Variants in MUC5B observed in about 807,000 individuals in gnomAD.
The protein encoded by MUC5B is mucin 5B, oligomeric mucus/gel-forming, also known as mucin-5B.
In MUC5B, 116 loss-of-function variants were observed where a neutral mutation model predicts 376.9. That is an observed-to-expected ratio of 0.31 (90% CI 0.26 to 0.36). MUC5B has a LOEUF of 0.36. Ranked by LOEUF, MUC5B falls within the 10% of genes least tolerant of loss-of-function variation. The pLI is 1.00. For missense variants in MUC5B, 7,165 were observed against 7,769.9 expected, an observed-to-expected ratio of 0.92 and a Z score of 2.93; for synonymous variants, 3,517 against 3,390.9, an observed-to-expected ratio of 1.04 and a Z score of -1.29.
Position 1,234,120 on chromosome 11 carries a change from C to G in MUC5B, c.2378-85C>G. On this transcript the variant is annotated intron_variant, in intron 19 of 48. Coordinates refer to ENST00000529681, the MANE Select transcript of MUC5B (RefSeq NM_002458.3). The surrounding 1 kb of genome is among the most constrained non-coding windows in gnomAD (Gnocchi z 6.3). ...GCTCGGGGGCTGTTAACTTGATCAG[C>G]AGGACAGGCTCAGGGCTGCCTGGGG... is the stretch of plus-strand genomic sequence containing the variant. 2.6e-6 allele frequency: 3 copies of G among 1,148,418 alleles called. No individual in the cohort carries two copies. The highest frequency in any genetic ancestry group is 3.8e-6 in the Non-Finnish European group (3 of 788,512). 71.1% of individuals were successfully genotyped at this position (1,148,418 alleles called of 1,614,324 possible). A position where few individuals can be genotyped will look rare whatever the true frequency, so the allele number is the denominator to read the frequency against.
chr11:1,251,321 G>A lies in MUC5B; in HGVS notation c.14441G>A (p.Gly4814Glu). 1.2e-6 allele frequency: 2 copies of A among 1,610,752 alleles called. No homozygotes were observed. Among genetic ancestry groups the A allele is most frequent in the Non-Finnish European group, 1.7e-6 (2 of 1,177,856 alleles). The change falls in exon 31 of 49, where the codon GGG (glycine) becomes GAG (glutamate). Residue 4814 changes from glycine to glutamate, a missense_variant. Transcript: ENST00000529681. Reference protein sequence around the residue: ...NSTATPSSTLGTTRILTELTT... With the variant: ...NSTATPSSTLETTRILTELTT... ...ACGGCCACACCCTCCTCCACTCTGG[G>A]GACGACCCGGATCCTCACTGAGCTG...
In MUC5B at chr11:1,242,581, C is replaced by G. The variant is rs1328302753; in HGVS notation, c.5701C>G (p.Pro1901Ala). Residue 1901 changes from proline (P) to alanine (A), a missense_variant, in exon 31 of 49, where the codon CCG (proline) becomes GCG (alanine). Physicochemically the swap from Pro to Ala is conservative, Grantham distance 27 (BLOSUM62 -1). This residue lies in a region of MUC5B where 897 missense variants were observed against 779.6 expected (regional missense o/e 1.15). Transcript: ENST00000529681. ...TSSTATPSST[P>A]GTTWILTKPT... ...CTCCACGGCCACGCCCTCCTCAACT[C>G]CGGGGACGACCTGGATCCTCACAAA... 2 of 1,613,742 alleles carry G rather than the reference C, an allele frequency of 1.2e-6. No individual in the cohort carries two copies. Among genetic ancestry groups the G allele is most frequent in the Admixed American group, 3.3e-5 (2 of 60,006 alleles).
chr11:1,240,541 G>A (rs1862257526), intron 30 of MUC5B, among the ~76,000 whole-genome samples, 166 bp downstream of exon 30: 1 of 152,162 alleles, frequency 6.6e-6, no homozygotes. Context: ...CGTGTCTCCA[G>A]GGGCTCCCCA....
Position 1,259,127 on chromosome 11 carries a change from G to T in MUC5B, c.16713+66G>T, listed in dbSNP as rs556230770. Reference sequence around the variant, plus strand: ...CACCTGCCCCCAAGTGAGACCCGAGGCACCTGCCCCCAGGTGAGACCTGAG... The same window carrying T: ...CACCTGCCCCCAAGTGAGACCCGAGTCACCTGCCCCCAGGTGAGACCTGAG... On this transcript the variant is annotated intron_variant, in intron 44 of 48. Coordinates refer to ENST00000529681, the MANE Select transcript of MUC5B (RefSeq NM_002458.3). 4.5e-3 allele frequency: 6,357 copies of T among 1,401,532 alleles called. 26 individuals carry two copies. Among genetic ancestry groups the T allele is most frequent in the Non-Finnish European group, 5.6e-3 (5,907 of 1,045,728 alleles). 86.8% of individuals were successfully genotyped at this position (1,401,532 alleles called of 1,614,324 possible).
intron 30 of MUC5B, 133 bp downstream of exon 30, chr11:1,240,508 G>A: frequency 3.5e-6 from 3 of 853,684 alleles, no homozygotes; most frequent in South Asian, 3.5e-5. Flanking sequence ...CTGTCTAGGG[G>A]TGCACGGCCC....
chr11:1,234,222 G>C lies in MUC5B; in HGVS notation c.2395G>C (p.Val799Leu). 6.2e-7 allele frequency: 1 copy of C among 1,605,220 alleles called. No homozygotes were observed. The highest frequency in any genetic ancestry group is 2.2e-4 in the Middle Eastern group (1 of 4,606). Residue 799 changes from valine (V) to leucine (L), a missense_variant, in exon 20 of 49, where the codon GTG becomes CTG. Val to Leu is a conservative substitution (Grantham distance 32). This residue lies in a region of MUC5B where 530 missense variants were observed against 604.0 expected (regional missense o/e 0.88). Coordinates refer to ENST00000529681, the MANE Select transcript of MUC5B (RefSeq NM_002458.3). The surrounding 1 kb of genome is among the most constrained non-coding windows in gnomAD (Gnocchi z 6.3). Reference sequence around the variant, plus strand: ...GTCCCCAGGGTGTGCAGCCCCCATGGTGTACCTGGACTGCAGCAACAGCTC... The same window carrying C: ...GTCCCCAGGGTGTGCAGCCCCCATGCTGTACCTGGACTGCAGCAACAGCTC... ...QKSTGCAAPM[V>L]YLDCSNSSAG...
chr11:1,230,053 C>T lies in MUC5B; in HGVS notation c.1269C>T (p.Gly423=), dbSNP rs1861987456. The change falls in exon 11 of 49, where the codon GGC becomes GGT. Residue 423 remains glycine, a synonymous_variant. Coordinates refer to ENST00000529681, the MANE Select transcript of MUC5B (RefSeq NM_002458.3). ...AGTGCCAGGACCTGCCGTGCCCTGG[C>T]ACCTGCTCTGTGCAGGGCGGGGCCC... ...LWQCQDLPCP[G]TCSVQGGAHI... is the part of the protein sequence containing the mutation. The T allele has an allele frequency of 1.2e-6, 2 of 1,611,038 alleles. No homozygotes were observed. The highest frequency in any genetic ancestry group is 1.7e-6 in the Non-Finnish European group (2 of 1,179,168).
At position 1,253,518 on chromosome 11, in the gene MUC5B, G is replaced by A. The variant is rs1451203113; in HGVS notation, c.15217+538G>A. 6.6e-6 allele frequency among the ~76,000 whole-genome samples: 1 copy of A among 152,140 alleles called. No individual in the cohort carries two copies. Among genetic ancestry groups the A allele is most frequent in the Middle Eastern group, 3.2e-3 (1 of 314 alleles). ...GTTCTCACTCCTCCCCATGTCCTTGGCCCAGGGCTGCTGTTCCAAACCGCC... is the reference window on the plus strand; with the variant it reads ...GTTCTCACTCCTCCCCATGTCCTTGACCCAGGGCTGCTGTTCCAAACCGCC... On this transcript the variant is annotated intron_variant, in intron 33 of 48. Transcript: ENST00000529681. The surrounding 1 kb of genome is among the most constrained non-coding windows in gnomAD (Gnocchi z 4.3).
At chr11:1,231,123 A>G (rs1054412868) in intron 13 of MUC5B, 118 bp downstream of exon 13, 4 of 1,062,522 alleles carry the variant, frequency 3.8e-6, no homozygotes, top group Non-Finnish European at 5.3e-6. Context: ...GGGCAGCTCC[A>G]GGAGCTCCCT....
Position 1,241,174 on chromosome 11 carries a change from T to C in MUC5B, c.4294T>C (p.Cys1432Arg). The C allele has an allele frequency of 6.2e-7, 1 of 1,600,036 alleles. No individual in the cohort carries two copies. Among genetic ancestry groups the C allele is most frequent in the African/African-American group, 1.3e-5 (1 of 74,718 alleles). The change falls in exon 31 of 49, where the codon TGT (cysteine) becomes CGT (arginine). Residue 1432 changes from cysteine (C) to arginine (R), a missense_variant. Coordinates refer to ENST00000529681, the MANE Select transcript of MUC5B (RefSeq NM_002458.3). The part of the protein sequence containing the change: ...LRVLCCEYVP[C>R]GPSPAPGTSP... ...GGTTCTCTGCTGCGAATACGTGCCC[T>C]GTGGCCCCTCCCCGGCCCCAGGCAC... is the stretch of plus-strand genomic sequence containing the variant.
At position 1,241,967 on chromosome 11, in the gene MUC5B, G is replaced by T; in HGVS notation, c.5087G>T (p.Arg1696Leu). Residue 1696 changes from arginine (R) to leucine (L), a missense_variant, in exon 31 of 49, where the codon CGC becomes CTC. Around this residue, in one of 31 missense-constraint regions of MUC5B, gnomAD observed 897 missense variants for 779.6 expected, o/e 1.15. Transcript: ENST00000529681. ...PGVATSTLPT[R>L]SALPGTTGSL... Reference sequence around the variant, plus strand: ...GTGGCCACATCCACCCTTCCAACACGCTCAGCCCTTCCAGGGACGACGGGG... The same window carrying T: ...GTGGCCACATCCACCCTTCCAACACTCTCAGCCCTTCCAGGGACGACGGGG... 4 of 1,601,952 alleles carry T rather than the reference G, an allele frequency of 2.5e-6. No homozygotes were observed. The highest frequency in any genetic ancestry group is 3.4e-6 in the Non-Finnish European group (4 of 1,174,800).
rs772995069 is a variant in MUC5B at position 1,244,749 on chromosome 11, C to T, written c.7869C>T (p.Ser2623=). 3.7e-6 allele frequency: 6 copies of T among 1,612,500 alleles called. No homozygotes were observed. The South Asian group carries it at 6.6e-5, about 18-fold the overall frequency. The change falls in exon 31 of 49, where the codon AGC becomes AGT. Residue 2623 remains serine, a synonymous_variant. Transcript: ENST00000529681. The part of the protein sequence containing the change: ...TTGFTATPSS[S]PGTARTLPVW... ...GCTTCACAGCCACCCCCTCCTCCAG[C>T]CCAGGGACGGCACGCACGCTTCCAG...
Position 1,262,133 on chromosome 11 carries a change from A to G in MUC5B, c.*525A>G. On this transcript the variant is annotated 3_prime_UTR_variant, in exon 49 of 49. Coordinates refer to ENST00000529681, the MANE Select transcript of MUC5B (RefSeq NM_002458.3). ...AGCATCCCAAAGCCCCCTCTGCTCAACCCAGCCCAGTTTTGCAAATAAACC... is the reference window on the plus strand; with the variant it reads ...AGCATCCCAAAGCCCCCTCTGCTCAGCCCAGCCCAGTTTTGCAAATAAACC... 1 of 502,102 alleles carries G rather than the reference A, an allele frequency of 2.0e-6. No individual in the cohort carries two copies. The highest frequency in any genetic ancestry group is 2.1e-5 in the Admixed American group (1 of 47,696). The allele number at this position is 502,102 out of a possible 1,614,324, so 31.1% of individuals were successfully genotyped here. A position where few individuals can be genotyped will look rare whatever the true frequency, so the allele number is the denominator to read the frequency against.
intron 25 of MUC5B, among the ~76,000 whole-genome samples, chr11:1,237,596 G>A (rs11826815): frequency 0.049 from 7,471 of 152,298 alleles, 232 homozygotes; most frequent in Middle Eastern, 0.1. Context: ...CTGACTGGGC[G>A]CGGTGGCTCA....
In MUC5B at chr11:1,234,735, C is replaced by T. The variant is rs1178779770; in HGVS notation, c.2630+55C>T. 1.3e-5 allele frequency: 2 copies of T among 151,410 alleles called. No individual in the cohort carries two copies. The highest frequency in any genetic ancestry group is 1.1e-5 in the Non-Finnish European group (1 of 91,788). The allele number at this position is 151,410 out of a possible 1,614,324, so 9.4% of individuals were successfully genotyped here. A position where few individuals can be genotyped will look rare whatever the true frequency, so the allele number is the denominator to read the frequency against. On this transcript the variant is annotated intron_variant, in intron 21 of 48. Transcript: ENST00000529681. The surrounding 1 kb of genome is among the most constrained non-coding windows in gnomAD (Gnocchi z 6.3). ...GTGGGGAGGGCGGGGGCGGGGAGGG[C>T]AGCGGGTGGGGAGGCAGCGGGCAGG...
intron 48 of MUC5B, 128 bp from the exon 49 acceptor site, chr11:1,261,261 G>A (rs1283078604): frequency 2.5e-6 from 2 of 784,848 alleles, no homozygotes; most frequent in African/African-American, 3.4e-5. Flanking sequence ...TGCCCACAGA[G>A]CAGGCCACTG....
At position 1,258,994 on chromosome 11, in the gene MUC5B, C is replaced by A. The variant is rs753712036; in HGVS notation, c.16646C>A (p.Ser5549Tyr). Residue 5549 changes from serine to tyrosine, a missense_variant, in exon 44 of 49, where the codon TCT (serine) becomes TAT (tyrosine). Ser to Tyr is a moderately radical substitution (Grantham distance 144). Coordinates refer to ENST00000529681, the MANE Select transcript of MUC5B (RefSeq NM_002458.3). This position sits in a 1 kb window ranked among gnomAD's most constrained non-coding sequence, Gnocchi z 5.5. ...ALPCHMCTCLSGDTQDPTVQC... is the reference protein window; with the variant it reads ...ALPCHMCTCLYGDTQDPTVQC... ...CCCTGCCACATGTGTACCTGCCTCT[C>A]TGGGGACACCCAGGACCCAACGGTG... The A allele has an allele frequency of 9.0e-6, 14 of 1,560,522 alleles. 1 individual carries two copies. The highest frequency in any genetic ancestry group is 1.4e-5 in the African/African-American group (1 of 73,400).
At chr11:1,239,391 G>T (rs764331845) in intron 26 of MUC5B, 47 bp from the exon 27 acceptor site, 1 of 1,572,476 alleles carries the variant, frequency 6.4e-7, no homozygotes, top group Non-Finnish European at 8.6e-7. Flanking sequence ...CACAACAGGG[G>T]TGAGGGCTGG....
At chr11:1,229,654 G>A (rs1316134291) in intron 9 of MUC5B, 36 bp from the exon 10 acceptor site, 2 of 1,509,610 alleles carry the variant, frequency 1.3e-6, no homozygotes, top group Non-Finnish European at 1.8e-6. Context: ...TGTCCCCCGT[G>A]CATGGGCCGG....
Sources: allele counts gnomAD v4.1 joint callset (sites outside exome capture counted in the v4.1 genomes callset), GRCh38; gene constraint gnomAD v4.1.1; regional missense constraint gnomAD v4.1.1; non-coding constraint Gnocchi (gnomAD v3.1); transcripts MANE v1.5; gene names NCBI Gene and HGNC (gene_info 2026-07-23, HGNC 2026-07-21).